Variants in VRK2 observed in about 807,000 individuals in gnomAD.
VRK2 encodes the protein VRK serine/threonine kinase 2.
In VRK2, 60 loss-of-function variants were observed where a neutral mutation model predicts 57.6. The observed-to-expected ratio is 1.04, with a 90% CI of 0.85 to 1.29. The LOEUF (loss-of-function observed/expected upper bound fraction) is 1.29. VRK2 is among the 50% of genes most tolerant of loss of function. VRK2 has a pLI of 0.00. For missense variants in VRK2, 705 were observed against 588.1 expected (o/e 1.20, Z -2.06); for synonymous variants, 231 against 199.2 (o/e 1.16, Z -1.35).
At chr2:57,953,030 A>T (rs942226358) in intron 1 of VRK2, among the ~76,000 whole-genome samples, 2 of 152,188 alleles carry the variant, frequency 1.3e-5, no homozygotes, top group Non-Finnish European at 1.5e-5. Context: ...GGCCATGATA[A>T]CTTTATGCAA....
At chr2:58,079,913 A>G (rs533252006) in intron 2 of VRK2, among the ~76,000 whole-genome samples, 6 of 151,978 alleles carry the variant, frequency 3.9e-5, no homozygotes, top group South Asian at 2.1e-4. Flanking sequence ...TCATTTTTCT[A>G]AGTTATTAAG....
intron 2 of VRK2, among the ~76,000 whole-genome samples, chr2:58,054,927 C>G (rs768155160): frequency 2.4e-4 from 37 of 152,126 alleles, no homozygotes; most frequent in Non-Finnish European, 5.0e-4. Context: ...GAGGACTTCC[C>G]TTGTTTCTTT....
chr2:57,907,830 C>T (rs953808507), exon 1 of VRK2: 11 of 152,264 alleles, frequency 7.2e-5, no homozygotes, highest in African/African-American at 2.7e-4. Flanking sequence ...GCCTTCCTTG[C>T]TACACTCAGG....
intron 1 of VRK2, among the ~76,000 whole-genome samples, chr2:57,997,322 T>C (rs1187781276): frequency 6.6e-6 from 1 of 151,786 alleles, no homozygotes; most frequent in Non-Finnish European, 1.5e-5. Context: ...ATTACCAATA[T>C]TGGAGATGCC....
chr2:58,052,180 G>T (rs1471788859), intron 2 of VRK2, among the ~76,000 whole-genome samples: 1 of 152,034 alleles, frequency 6.6e-6, no homozygotes, highest in Non-Finnish European at 1.5e-5. Context: ...TTAATCCTTT[G>T]GGTTGTTTCT....
chr2:58,052,624 G>A (rs900762571), intron 2 of VRK2, among the ~76,000 whole-genome samples: 8 of 150,460 alleles, frequency 5.3e-5, no homozygotes, highest in Admixed American at 5.3e-4. Context: ...AAAAAATGCT[G>A]CCATAGTGGA....
intron 2 of VRK2, among the ~76,000 whole-genome samples, chr2:58,054,247 TC>T (rs1430176629): frequency 6.6e-6 from 1 of 152,078 alleles, no homozygotes; most frequent in Non-Finnish European, 1.5e-5. Flanking sequence ...ATATTATGGT[TC>T]TTCTTTATTT....
intron 2 of VRK2, among the ~76,000 whole-genome samples, chr2:58,078,846 TTTA>T (rs1670479499): frequency 1.3e-5 from 2 of 152,056 alleles, no homozygotes; most frequent in South Asian, 4.1e-4. Context: ...TTGCCCATTT[TTTA>T]TTATTTTAGA....
At chr2:57,925,935 T>C (rs1407339890) in intron 1 of VRK2, among the ~76,000 whole-genome samples, 1 of 152,014 alleles carries the variant, frequency 6.6e-6, no homozygotes, top group East Asian at 1.9e-4. Context: ...GTTTCCATTA[T>C]CATTTGTTTG....
intron 2 of VRK2, among the ~76,000 whole-genome samples, chr2:58,069,868 C>A (rs1347785607): frequency 1.3e-5 from 2 of 152,080 alleles, no homozygotes; most frequent in African/African-American, 2.4e-5. Flanking sequence ...GTTTGGGCTT[C>A]CTTGAGTTCT....
rs75935344 is a variant in VRK2, at chr2:57,955,892, T to C, written c.-439+48053T>C. On this transcript the variant is annotated intron_variant, in intron 1 of 15. Coordinates refer to the VRK2 transcript ENST00000417641. ...CAAGGACAGATATCCTTTTGGTGAGTTTTTCACCATTGGGAAGATTGCATT... is the reference window on the plus strand; with the variant it reads ...CAAGGACAGATATCCTTTTGGTGAGCTTTTCACCATTGGGAAGATTGCATT... Among the ~76,000 whole-genome samples the C allele has an allele frequency of 7.9e-3, 1,196 of 151,822 alleles. 20 individuals are homozygous for C. The highest frequency in any genetic ancestry group is 0.027 in the African/African-American group (1,128 of 41,384).
chr2:58,056,865 T>C (rs1032759003), intron 2 of VRK2, among the ~76,000 whole-genome samples: 9 of 152,178 alleles, frequency 5.9e-5, no homozygotes, highest in African/African-American at 2.2e-4. Flanking sequence ...CTTGGTAGAC[T>C]GGAAGCGAGG....
rs1159706666 is a variant in VRK2 at position 58,146,338 on chromosome 2, C to T, written c.1046C>T (p.Thr349Ile). The T allele has an allele frequency of 2.5e-6, 4 of 1,609,754 alleles. No homozygotes were observed. The highest frequency in any genetic ancestry group is 1.3e-5 in the African/African-American group (1 of 74,560). The change falls in exon 12 of 13, where the codon ACA becomes ATA. Residue 349 changes from threonine to isoleucine, a missense_variant. Physicochemically the swap from Thr to Ile is moderately conservative, Grantham distance 89. Coordinates refer to ENST00000340157, the MANE Select transcript of VRK2 (RefSeq NM_006296.7). ...CAGGTTGATTCACAAAAGGCTGCAA[C>T]AAAGCAAGTCAACAAGGCACACAAT... Reference protein sequence around the residue: ...SQKVDSQKAATKQVNKAHNRL... With the variant: ...SQKVDSQKAAIKQVNKAHNRL...
chr2:58,046,405 T>C (rs1048135608), upstream of VRK2: 28 of 808,752 alleles, frequency 3.5e-5, no homozygotes, highest in African/African-American at 4.5e-4. Context: ...CTAGTACCAA[T>C]AGTTAGTTGC....
At chr2:58,047,560 A>G in intron 1 of VRK2, 2 of 619,328 alleles carry the variant, frequency 3.2e-6, no homozygotes, top group Non-Finnish European at 4.0e-6. Context: ...AATTATTTAG[A>G]ATTTATTCCT....
intron 1 of VRK2, among the ~76,000 whole-genome samples, chr2:57,945,777 G>C (rs966683095): frequency 6.6e-6 from 1 of 152,084 alleles, no homozygotes; most frequent in Non-Finnish European, 1.5e-5. Context: ...CATATGGGAA[G>C]AGATAATAAA....
At chr2:57,938,030 C>T (rs1033198325) in intron 1 of VRK2, among the ~76,000 whole-genome samples, 1 of 151,928 alleles carries the variant, frequency 6.6e-6, no homozygotes, top group South Asian at 2.1e-4. Flanking sequence ...CAGGTTTTCA[C>T]CATATTGGCC....
At chr2:58,090,400 C>CAAAA (rs888066524) in intron 7 of VRK2, among the ~76,000 whole-genome samples, 4 of 49,326 alleles carry the variant, frequency 8.1e-5, no homozygotes, top group Non-Finnish European at 1.4e-4. Context: ...AACTCCATCT[C>CAAAA]AAAAAAAAAA....
At chr2:57,965,708 T>C (rs371187147) in intron 1 of VRK2, among the ~76,000 whole-genome samples, 5 of 152,174 alleles carry the variant, frequency 3.3e-5, no homozygotes, top group African/African-American at 1.2e-4. Flanking sequence ...ACTTCATCCA[T>C]GAGAGGCTAC....
Sources: allele counts gnomAD v4.1 joint callset (sites outside exome capture counted in the v4.1 genomes callset), GRCh38; gene constraint gnomAD v4.1.1; transcripts MANE v1.5; gene names NCBI Gene and HGNC (gene_info 2026-07-23, HGNC 2026-07-21).